The following NAV2 variants were observed in gnomAD, a reference collection of about 807,000 sequenced individuals.
The protein encoded by NAV2 is neuron navigator 2, also known as helicase, APC down-regulated 1.
NAV2 carries 54 observed loss-of-function variants against 223.2 expected under a neutral mutation model. The ratio of observed to expected loss-of-function variants is 0.24; its 90% confidence interval spans 0.19 to 0.30. The LOEUF (loss-of-function observed/expected upper bound fraction) is 0.30, where lower values mean the gene tolerates loss of function less well. Ranked by LOEUF, NAV2 falls within the 10% of genes least tolerant of loss-of-function variation. The pLI is 1.00. For synonymous variants in NAV2, 1,279 were observed against 1,239.3 expected (o/e 1.03, Z -0.67); for missense variants, 2,806 against 3,147.5 (o/e 0.89, Z 2.60).
intron 3 of NAV2, among the ~76,000 whole-genome samples, chr11:19,857,914 T>C (rs2061487002): frequency 6.6e-6 from 1 of 152,218 alleles, no homozygotes; most frequent in African/African-American, 2.4e-5. Flanking sequence ...TAGAGTGCAG[T>C]GGCATGATCT....
chr11:20,011,847 A>C (rs2053585719), intron 11 of NAV2, among the ~76,000 whole-genome samples: 1 of 152,250 alleles, frequency 6.6e-6, no homozygotes, highest in African/African-American at 2.4e-5. Flanking sequence ...CCTACTGGTG[A>C]ATATTTAGGG....
intron 1 of NAV2, chr11:19,575,233 T>C (rs907860964): frequency 1.3e-5 from 2 of 154,066 alleles, no homozygotes; most frequent in Non-Finnish European, 2.9e-5. Flanking sequence ...AGAGGGGTTC[T>C]TAGCAGCAGA....
intron 1 of NAV2, among the ~76,000 whole-genome samples, chr11:19,695,733 A>G (rs1256801882): frequency 6.6e-6 from 1 of 150,694 alleles, no homozygotes; most frequent in Non-Finnish European, 1.5e-5. Flanking sequence ...GTGAAACCCA[A>G]TCTCTACTAA....
chr11:19,434,279 G>T lies in NAV2; in HGVS notation c.75+83252G>T, dbSNP rs16936741. ...ACAGTAGATGCTCAGTGGCTGATGA[G>T]GTACATATTAAAGATATTAAGGCAT... On this transcript the variant is annotated intron_variant, in intron 1 of 37. Coordinates refer to the NAV2 transcript ENST00000360655. Among the ~76,000 whole-genome samples, 1,059 of 152,268 alleles carry T rather than the reference G, an allele frequency of 7.0e-3. 10 individuals are homozygous for T. Among genetic ancestry groups the T allele is most frequent in the African/African-American group, 0.022 (933 of 41,542 alleles).
chr11:19,618,538 A>T (rs148588799), intron 1 of NAV2, among the ~76,000 whole-genome samples: 2,193 of 136,194 alleles, frequency 0.016, 30 homozygotes, highest in Non-Finnish European at 0.025. Flanking sequence ...GGATGGATGG[A>T]TGGGTCCCTG....
intron 1 of NAV2, among the ~76,000 whole-genome samples, chr11:19,588,753 A>G (rs374842201): frequency 1.7e-3 from 263 of 152,360 alleles, no homozygotes; most frequent in African/African-American, 5.4e-3. Context: ...GGAACAAGCC[A>G]ACAATGGTAG....
intron 3 of NAV2, among the ~76,000 whole-genome samples, chr11:19,856,020 TA>T (rs1846694067): frequency 6.6e-6 from 1 of 152,336 alleles, no homozygotes; most frequent in Admixed American, 6.5e-5. Context: ...GATATGTGGA[TA>T]TGTAGATAGA....
At chr11:20,051,082 C>A (rs1048507659) in intron 16 of NAV2, among the ~76,000 whole-genome samples, 3 of 152,186 alleles carry the variant, frequency 2.0e-5, no homozygotes, top group African/African-American at 7.2e-5. Flanking sequence ...GTAAAGTATG[C>A]GCTGGTGTCA....
chr11:19,902,451 A>G (rs2042523856), intron 6 of NAV2, among the ~76,000 whole-genome samples: 2 of 152,088 alleles, frequency 1.3e-5, no homozygotes, highest in African/African-American at 4.8e-5. Flanking sequence ...TCTGCTATAT[A>G]TCCTTTCTCT....
chr11:19,707,926 T>C (rs192865489), upstream of NAV2, among the ~76,000 whole-genome samples: 160 of 152,318 alleles, frequency 1.1e-3, no homozygotes, highest in Admixed American at 4.4e-3. Context: ...GACCAAAACA[T>C]CATTATGCAG....
At position 20,103,647 on chromosome 11, in the gene NAV2, C is replaced by A; in HGVS notation, c.6573-6C>A. On this transcript the variant is annotated splice_polypyrimidine_tract_variant and splice_region_variant and intron_variant, in intron 33 of 37. Coordinates refer to ENST00000349880, the MANE Select transcript of NAV2 (RefSeq NM_145117.5). ...ACAGCTTTCTTTTCCTTTATTTTAT[C>A]CGCAGCCCTTACATAATTGGCACAA... 2 of 1,613,838 alleles carry A rather than the reference C, an allele frequency of 1.2e-6. No homozygotes were observed. The highest frequency in any genetic ancestry group is 1.7e-6 in the Non-Finnish European group (2 of 1,179,732).
At chr11:19,399,140 G>A (rs566209008) in intron 1 of NAV2, among the ~76,000 whole-genome samples, 10 of 152,304 alleles carry the variant, frequency 6.6e-5, no homozygotes, top group South Asian at 4.1e-4. Context: ...TCCACGGCAC[G>A]AGAAAGTGGA....
intron 22 of NAV2, among the ~76,000 whole-genome samples, chr11:20,069,170 A>C (rs1358157047): frequency 6.6e-6 from 1 of 152,162 alleles, no homozygotes; most frequent in Non-Finnish European, 1.5e-5. Flanking sequence ...GTGACATCTA[A>C]TGGATGCTAG....
At chr11:20,001,760 C>T (rs371549153) in intron 11 of NAV2, among the ~76,000 whole-genome samples, 3 of 151,666 alleles carry the variant, frequency 2.0e-5, no homozygotes, top group South Asian at 2.1e-4. Context: ...ATGTAAATGT[C>T]GAGTTAATGG....
chr11:19,599,166 C>G (rs968459412), intron 1 of NAV2, among the ~76,000 whole-genome samples: 4 of 152,206 alleles, frequency 2.6e-5, no homozygotes, highest in African/African-American at 4.8e-5. Flanking sequence ...TTGTCTTTCT[C>G]TCTTTCCTCA....
At chr11:19,671,132 A>T (rs2048562396) in intron 1 of NAV2, among the ~76,000 whole-genome samples, 1 of 152,204 alleles carries the variant, frequency 6.6e-6, no homozygotes, top group South Asian at 2.1e-4. Context: ...GAAGATGGTG[A>T]TCAATTAGCA....
At chr11:19,637,576 T>C (rs780290231) in intron 1 of NAV2, among the ~76,000 whole-genome samples, 2 of 152,244 alleles carry the variant, frequency 1.3e-5, no homozygotes, top group Non-Finnish European at 2.9e-5. Flanking sequence ...GTACAGGAAG[T>C]GTAGCCCCGG....
At chr11:19,721,197 T>C (rs1366675908) in intron 1 of NAV2, among the ~76,000 whole-genome samples, 1 of 152,240 alleles carries the variant, frequency 6.6e-6, no homozygotes, top group Non-Finnish European at 1.5e-5. Context: ...TGAGTCTAAG[T>C]AAATCACTTT....
Position 20,068,971 on chromosome 11 carries a change from GAAAC to G in NAV2, c.4983+577_4983+580del, listed in dbSNP as rs1371586576. Among the ~76,000 whole-genome samples the G allele has an allele frequency of 4.6e-5, 7 of 152,046 alleles. No individual in the cohort carries two copies. In the East Asian group the frequency reaches 1.4e-3, roughly 29 times the overall value. On this transcript the variant is annotated intron_variant, in intron 22 of 37. Transcript: ENST00000349880. ...AACATTCAGTCTCTGGGACAGCAGA[GAAAC>G]AAAACAAACAATTTTGCTATAACAT...
Sources: gnomAD v4.1 joint callset for allele counts (sites outside exome capture counted in the v4.1 genomes callset) on GRCh38, gnomAD v4.1.1 for gene constraint, MANE v1.5 for transcripts, NCBI Gene and HGNC (gene_info 2026-07-23, HGNC 2026-07-21) for gene names.